Variants in UTP18 observed in about 807,000 individuals in gnomAD.
The protein encoded by UTP18 is UTP18 small subunit processome component.
In UTP18, 36 loss-of-function variants were observed where a neutral mutation model predicts 61.1. The ratio of observed to expected loss-of-function variants is 0.59; its 90% CI spans 0.45 to 0.78. The LOEUF is 0.78. UTP18 is among the 30% of genes least tolerant of loss of function. The probability of loss-of-function intolerance (pLI) is 0.00; values close to 1 mark genes in which losing one functional copy is unlikely to be tolerated. For missense variants in UTP18, 753 were observed against 693.9 expected (o/e 1.09, Z -0.96); for synonymous variants, 282 against 251.1 (o/e 1.12, Z -1.16).
At chr17:51,297,540 C>G (rs1334783861) in intron 13 of UTP18, among the ~76,000 whole-genome samples, 3 of 152,146 alleles carry the variant, frequency 2.0e-5, no homozygotes, top group African/African-American at 7.2e-5. Context: ...CAATTGGCCT[C>G]TTCATCACAG....
At chr17:51,273,476 C>G (rs1209330936) in intron 5 of UTP18, 26 bp downstream of exon 5, 10 of 1,553,218 alleles carry the variant, frequency 6.4e-6, no homozygotes, top group South Asian at 3.4e-5. Flanking sequence ...GTTGGGGGAT[C>G]CTATCTAACT....
Position 51,275,852 on chromosome 17 carries a change from T to C in UTP18, c.712-14T>C. The stretch of plus-strand genomic sequence containing the variant: ...CATTTCAATTGATAAAATCCCAGCT[T>C]TCATTTCCTATAGATGAAGAACTGC... On this transcript the variant is annotated splice_polypyrimidine_tract_variant and intron_variant, in intron 5 of 13. Transcript: ENST00000225298. The C allele has an allele frequency of 6.3e-7, 1 of 1,582,078 alleles. No individual in the cohort carries two copies. The highest frequency in any genetic ancestry group is 8.6e-7 in the Non-Finnish European group (1 of 1,169,556).
At chr17:51,285,154 G>A (rs1905063834) in intron 9 of UTP18, 91 bp from the exon 10 acceptor site, 1 of 1,426,692 alleles carries the variant, frequency 7.0e-7, no homozygotes, top group South Asian at 1.2e-5. Context: ...GTAGTCTCCT[G>A]TACTGTTAAG....
intron 11 of UTP18, among the ~76,000 whole-genome samples, chr17:51,291,793 C>T (rs751753379): frequency 1.3e-5 from 2 of 151,558 alleles, no homozygotes; most frequent in Non-Finnish European, 2.9e-5. Flanking sequence ...AAGGTTGGTT[C>T]TAGTGTATTT....
chr17:51,297,177 C>T (rs979350180), intron 13 of UTP18, among the ~76,000 whole-genome samples, 174 bp downstream of exon 13: 7 of 152,158 alleles, frequency 4.6e-5, no homozygotes, highest in African/African-American at 1.4e-4. Context: ...AAGTTGGACC[C>T]TCCTTTCTTA....
At chr17:51,270,317 T>C (rs914571048) in intron 4 of UTP18, among the ~76,000 whole-genome samples, 3 of 152,256 alleles carry the variant, frequency 2.0e-5, no homozygotes, top group Non-Finnish European at 2.9e-5. Flanking sequence ...TTTTTTAATA[T>C]GTTAAACATC....
chr17:51,292,211 T>G (rs936300611), intron 11 of UTP18, among the ~76,000 whole-genome samples: 6 of 152,206 alleles, frequency 3.9e-5, no homozygotes, highest in African/African-American at 1.4e-4. Flanking sequence ...ATATATATAC[T>G]TAAAAGTAAT....
Position 51,260,938 on chromosome 17 carries a change from C to G in UTP18, c.342+12C>G, listed in dbSNP as rs1598469243. 2.0e-6 allele frequency: 3 copies of G among 1,527,932 alleles called. No homozygotes were observed. The East Asian group carries it at 8.2e-5, about 42-fold the overall frequency. 94.6% of individuals were successfully genotyped at this position (1,527,932 alleles called of 1,614,324 possible). A position where few individuals can be genotyped will look rare whatever the true frequency, so the allele number is the denominator to read the frequency against. On this transcript the variant is annotated intron_variant, in intron 1 of 13. Coordinates refer to ENST00000225298, the MANE Select transcript of UTP18 (RefSeq NM_016001.3). ...TGCGAGGCCCGAGGGTGAGGGAGGC[C>G]GCGGCGCGCGGGCTGGGCGCACTCG... is the stretch of plus-strand genomic sequence containing the variant.
intron 10 of UTP18, among the ~76,000 whole-genome samples, chr17:51,285,643 G>A (rs1905081904): frequency 6.6e-6 from 1 of 152,178 alleles, no homozygotes; most frequent in South Asian, 2.1e-4. Flanking sequence ...AAGATATTTT[G>A]AGAGCAAGAG....
chr17:51,278,772 T>TA (rs1244465270), intron 7 of UTP18, among the ~76,000 whole-genome samples: 1 of 152,252 alleles, frequency 6.6e-6, no homozygotes, highest in Non-Finnish European at 1.5e-5. Flanking sequence ...AGTCAGTACA[T>TA]ACGGTTTATT....
At position 51,289,236 on chromosome 17, in the gene UTP18, G is replaced by T. The variant is rs147630211; in HGVS notation, c.1503+1033G>T. Among the ~76,000 whole-genome samples the T allele has an allele frequency of 7.6e-3, 1,108 of 146,688 alleles. 6 individuals are homozygous for T. Among genetic ancestry groups the T allele is most frequent in the Non-Finnish European group, 0.012 (835 of 67,138 alleles). On this transcript the variant is annotated intron_variant, in intron 11 of 13. Coordinates refer to ENST00000225298, the MANE Select transcript of UTP18 (RefSeq NM_016001.3). ...TTTTGAGACCAAGTCTCACTCTGTT[G>T]CCCAGGCTGGACTGCAGTGGTGTGA...
chr17:51,267,952 T>G (rs1904352552), intron 3 of UTP18, among the ~76,000 whole-genome samples: 1 of 89,518 alleles, frequency 1.1e-5, no homozygotes, highest in South Asian at 3.8e-4. Flanking sequence ...ATCAAAAAAT[T>G]AAAACAACTC....
intron 4 of UTP18, among the ~76,000 whole-genome samples, chr17:51,270,762 A>G (rs1219182059): frequency 6.6e-6 from 1 of 152,236 alleles, no homozygotes; most frequent in South Asian, 2.1e-4. Context: ...GAACTCAGTC[A>G]TAAGGCCACA....
chr17:51,282,891 CAG>C lies in UTP18; in HGVS notation c.1205-2351_1205-2350del, dbSNP rs1240468895. ...TCTTTTTTTTTTTTTTTTTTTGAGA[CAG>C]AGTCTCACTCTGTTGCTTAGGCTGG... On this transcript the variant is annotated intron_variant, in intron 9 of 13. Transcript: ENST00000225298. Among the ~76,000 whole-genome samples the C allele has an allele frequency of 1.4e-3, 168 of 116,136 alleles. 1 individual carries two copies. Among genetic ancestry groups the C allele is most frequent in the Admixed American group, 2.0e-3 (18 of 9,010 alleles). 76.2% of individuals were successfully genotyped at this position (116,136 alleles called of 152,430 possible).
rs772960541 is a variant in UTP18, at chr17:51,277,079, A to G, written c.838-51A>G. 3.2e-6 allele frequency: 5 copies of G among 1,573,940 alleles called. No individual in the cohort carries two copies. In the South Asian group the frequency reaches 4.6e-5, roughly 14 times the overall value. On this transcript the variant is annotated intron_variant, in intron 6 of 13. Transcript: ENST00000225298. ...GTAGTGAAAAGTATATACTACCAGG[A>G]TACAGGGTCTGTGGAAATAATCAAA...
At chr17:51,275,241 T>TC (rs397807901) in intron 5 of UTP18, among the ~76,000 whole-genome samples, 2 of 150,172 alleles carry the variant, frequency 1.3e-5, no homozygotes, top group Middle Eastern at 3.2e-3. Flanking sequence ...AAATTTAACT[T>TC]GGTGGTTACA....
chr17:51,263,086 G>A (rs1403808368), intron 1 of UTP18, among the ~76,000 whole-genome samples, 188 bp from the exon 2 acceptor site: 1 of 152,158 alleles, frequency 6.6e-6, no homozygotes. Flanking sequence ...TGTCCAGTCG[G>A]TGCCATTCTC....
intron 7 of UTP18, 102 bp from the exon 8 acceptor site, chr17:51,279,903 C>G (rs1308301786): frequency 9.5e-6 from 9 of 945,564 alleles, no homozygotes; most frequent in Non-Finnish European, 1.4e-5. Flanking sequence ...TAATTTGAGC[C>G]ACTTACGTAT....
At chr17:51,268,079 G>A (rs1904363220) in intron 3 of UTP18, among the ~76,000 whole-genome samples, 1 of 149,156 alleles carries the variant, frequency 6.7e-6, no homozygotes, top group East Asian at 2.0e-4. Flanking sequence ...GCGTGATCGC[G>A]GCTCACTGCA....
Sources: gnomAD v4.1 joint callset for allele counts (sites outside exome capture counted in the v4.1 genomes callset) on GRCh38, gnomAD v4.1.1 for gene constraint, MANE v1.5 for transcripts, NCBI Gene and HGNC (gene_info 2026-07-23, HGNC 2026-07-21) for gene names.